The following DOK6 variants were observed in gnomAD, a reference collection of about 807,000 sequenced individuals.
The protein encoded by DOK6 is docking protein 6, also known as downstream of tyrosine kinase 6.
In DOK6, 22 loss-of-function variants were observed where a neutral mutation model predicts 44.0. The ratio of observed to expected loss-of-function variants is 0.50; its 90% CI spans 0.36 to 0.71. DOK6 has a LOEUF of 0.71. DOK6 is among the 30% of genes least tolerant of loss of function. DOK6 has a pLI of 0.00. For missense variants in DOK6, 340 were observed against 416.4 expected, an observed-to-expected ratio of 0.82 and a Z score of 1.60; for synonymous variants, 166 against 145.5, an observed-to-expected ratio of 1.14 and a Z score of -1.01.
chr18:69,409,754 C>A (rs982707688), intron 1 of DOK6, among the ~76,000 whole-genome samples: 3 of 152,094 alleles, frequency 2.0e-5, no homozygotes, highest in Non-Finnish European at 4.4e-5. Context: ...CCATGGCAAC[C>A]AGTAAATTTT....
At chr18:69,633,455 T>A (rs1184406188) in intron 3 of DOK6, among the ~76,000 whole-genome samples, 1 of 152,170 alleles carries the variant, frequency 6.6e-6, no homozygotes, top group Non-Finnish European at 1.5e-5. Flanking sequence ...GCAGAACATA[T>A]TCTGCCTATG....
chr18:69,756,340 T>G (rs1171120769), intron 6 of DOK6, among the ~76,000 whole-genome samples: 1 of 152,198 alleles, frequency 6.6e-6, no homozygotes, highest in Non-Finnish European at 1.5e-5. Context: ...ATAGTTCACC[T>G]GTTTATGTAA....
intron 3 of DOK6, among the ~76,000 whole-genome samples, chr18:69,641,472 G>T (rs1256661305): frequency 6.6e-6 from 1 of 152,118 alleles, no homozygotes. Flanking sequence ...GCCACCCACA[G>T]ATTTTTAATT....
At chr18:69,760,030 T>A (rs1979492474) in intron 7 of DOK6, among the ~76,000 whole-genome samples, 1 of 152,166 alleles carries the variant, frequency 6.6e-6, no homozygotes, top group Non-Finnish European at 1.5e-5. Flanking sequence ...ATATAAAAAT[T>A]TAAGTATCCA....
rs1209244673 is a variant in DOK6 at position 69,425,788 on chromosome 18, AT to A, written c.66+24480del. Among the ~76,000 whole-genome samples, 3 of 152,224 alleles carry A rather than the reference AT, an allele frequency of 2.0e-5. No individual in the cohort carries two copies. The East Asian group carries it at 5.8e-4, about 29-fold the overall frequency. ...TATGCTTAATCTCCTGATTGCTTAT[AT>A]TCCTTGACTTTATTTCACTATCTGT... On this transcript the variant is annotated intron_variant, in intron 1 of 7. Coordinates refer to ENST00000382713, the MANE Select transcript of DOK6 (RefSeq NM_152721.6).
rs190852990 is a variant in DOK6 at position 69,846,316 on chromosome 18, A to G, written c.*4933A>G. The G allele has an allele frequency of 6.6e-6, 1 of 152,362 alleles. No homozygotes were observed. The highest frequency in any genetic ancestry group is 1.9e-4 in the East Asian group (1 of 5,176). The allele number at this position is 152,362 out of a possible 1,614,324, so 9.4% of individuals were successfully genotyped here. ...GTAATTTGTTTAACGGCAAAGAAAG[A>G]GCCAAGAATTGTTTCTCGTAGTTCC... On this transcript the variant is annotated 3_prime_UTR_variant, in exon 8 of 8. Transcript: ENST00000382713.
chr18:69,758,466 T>C (rs767010952), intron 7 of DOK6, among the ~76,000 whole-genome samples: 1 of 113,670 alleles, frequency 8.8e-6, no homozygotes, highest in African/African-American at 2.7e-5. Context: ...TGAATCAAAT[T>C]AATAGCTAGC....
At chr18:69,437,006 TG>T (rs1386718497) in intron 1 of DOK6, among the ~76,000 whole-genome samples, 4 of 152,206 alleles carry the variant, frequency 2.6e-5, no homozygotes, top group African/African-American at 9.6e-5. Flanking sequence ...TGGGGTTGTA[TG>T]TTTTTTTCTT....
chr18:69,783,327 T>A (rs1980333874), intron 7 of DOK6, among the ~76,000 whole-genome samples: 1 of 152,240 alleles, frequency 6.6e-6, no homozygotes, highest in Admixed American at 6.5e-5. Context: ...ACACACCAGA[T>A]GTGAAGATTT....
chr18:69,812,897 G>A (rs145495002), intron 7 of DOK6, among the ~76,000 whole-genome samples: 88 of 152,166 alleles, frequency 5.8e-4, no homozygotes, highest in African/African-American at 2.0e-3. Context: ...ATGCCCCCAC[G>A]ATTCAATTAC....
chr18:69,471,015 C>T (rs1170575443), intron 1 of DOK6, among the ~76,000 whole-genome samples: 1 of 151,570 alleles, frequency 6.6e-6, no homozygotes. Flanking sequence ...TTTGGGAGTC[C>T]GAGGCAGGCG....
intron 1 of DOK6, among the ~76,000 whole-genome samples, chr18:69,456,665 C>G (rs1297721609): frequency 1.3e-5 from 2 of 152,128 alleles, no homozygotes; most frequent in Non-Finnish European, 2.9e-5. Context: ...GGTCTATACC[C>G]ATGAATGGGA....
At chr18:69,498,029 C>T (rs985156244) in intron 1 of DOK6, among the ~76,000 whole-genome samples, 10 of 151,910 alleles carry the variant, frequency 6.6e-5, no homozygotes, top group African/African-American at 2.4e-4. Context: ...TAATATTAAG[C>T]TTATCTCTCT....
intron 1 of DOK6, among the ~76,000 whole-genome samples, chr18:69,502,788 T>C (rs1168620078): frequency 6.6e-6 from 1 of 152,128 alleles, no homozygotes; most frequent in Non-Finnish European, 1.5e-5. Flanking sequence ...TAAAGTACTA[T>C]GAATAATATT....
intron 3 of DOK6, among the ~76,000 whole-genome samples, chr18:69,644,741 G>C (rs1438655950): frequency 6.6e-6 from 1 of 152,136 alleles, no homozygotes; most frequent in African/African-American, 2.4e-5. Flanking sequence ...TTCAAGACCT[G>C]CTGATACTGA....
At chr18:69,612,420 T>TGCGAGGGCGCATGTGC (rs1984169855) in intron 3 of DOK6, among the ~76,000 whole-genome samples, 2 of 150,704 alleles carry the variant, frequency 1.3e-5, no homozygotes, top group African/African-American at 2.4e-5. Flanking sequence ...GGCGCATGTG[T>TGCGAGGGCGCATGTGC]GCGAGGGCGC....
At chr18:69,470,968 A>G (rs1323639777) in intron 1 of DOK6, among the ~76,000 whole-genome samples, 1 of 152,100 alleles carries the variant, frequency 6.6e-6, no homozygotes, top group Non-Finnish European at 1.5e-5. Flanking sequence ...AGTGTGATGT[A>G]GCCGGGCACG....
At chr18:69,686,266 T>G (rs1335263758) in intron 4 of DOK6, among the ~76,000 whole-genome samples, 2 of 152,208 alleles carry the variant, frequency 1.3e-5, no homozygotes, top group Non-Finnish European at 2.9e-5. Flanking sequence ...CCACCCAGTC[T>G]GTGGTACTTT....
At chr18:69,439,608 GA>G (rs1402432061) in intron 1 of DOK6, among the ~76,000 whole-genome samples, 1 of 152,200 alleles carries the variant, frequency 6.6e-6, no homozygotes, top group African/African-American at 2.4e-5. Context: ...GTGTTATAGA[GA>G]TGGCTTCTTT....
Sources: gnomAD v4.1 joint callset for allele counts (sites outside exome capture counted in the v4.1 genomes callset) on GRCh38, gnomAD v4.1.1 for gene constraint, MANE v1.5 for transcripts, NCBI Gene and HGNC (gene_info 2026-07-23, HGNC 2026-07-21) for gene names.